TBC1D8: variants seen among roughly 807,000 people sequenced by gnomAD.
The protein encoded by TBC1D8 is TBC1 domain family member 8.
In TBC1D8, 65 loss-of-function variants were observed where a neutral mutation model predicts 118.8. The ratio of observed to expected loss-of-function variants is 0.55; its 90% confidence interval spans 0.45 to 0.67. The LOEUF (loss-of-function observed/expected upper bound fraction) is 0.67, where lower values mean the gene tolerates loss of function less well. Among genes scored for constraint, TBC1D8 ranks in the 30% least tolerant of loss-of-function variants. TBC1D8 has a pLI of 0.00. For synonymous variants in TBC1D8, 566 were observed against 595.8 expected, an observed-to-expected ratio of 0.95 and a Z score of 0.73; for missense variants, 1,376 against 1,471.2, an observed-to-expected ratio of 0.94 and a Z score of 1.06.
intron 1 of TBC1D8, among the ~76,000 whole-genome samples, chr2:101,146,123 CGCT>C (rs1679307335): frequency 6.6e-6 from 1 of 151,996 alleles, no homozygotes; most frequent in South Asian, 2.1e-4. Flanking sequence ...AAAATGGTAC[CGCT>C]GCTGTAGAAA....
At position 101,037,683 on chromosome 2, in the gene TBC1D8, C is replaced by A; in HGVS notation, c.1301G>T (p.Ser434Ile). Residue 434 changes from serine (S) to isoleucine (I), a missense_variant, in exon 8 of 20, where the codon AGC becomes ATC. Ser to Ile is a moderately radical substitution (Grantham distance 142). Transcript: ENST00000409318. Reference protein sequence around the residue: ...DMASLVFHSTSMCSDHRFGDL... With the variant: ...DMASLVFHSTIMCSDHRFGDL... ...CCCAAATCTGTGGTCACTGCACATG[C>A]TTGTTGAATGAAACACGAGTGAAGC... 6.2e-7 allele frequency: 1 copy of A among 1,613,696 alleles called. No homozygotes were observed. The highest frequency in any genetic ancestry group is 8.5e-7 in the Non-Finnish European group (1 of 1,179,894).
At chr2:101,087,364 C>T (rs1675706458) in intron 2 of TBC1D8, among the ~76,000 whole-genome samples, 1 of 152,034 alleles carries the variant, frequency 6.6e-6, no homozygotes, top group South Asian at 2.1e-4. Flanking sequence ...GGGCCGGATG[C>T]AGTGGCTCAC....
intron 1 of TBC1D8, among the ~76,000 whole-genome samples, chr2:101,144,876 T>G (rs544212039): frequency 1.0e-3 from 152 of 152,216 alleles, no homozygotes; most frequent in Middle Eastern, 6.8e-3. Context: ...AGGTGGAGGT[T>G]GCAGTGAGCC....
chr2:101,086,015 G>A (rs2105452179), intron 2 of TBC1D8, among the ~76,000 whole-genome samples: 1 of 152,106 alleles, frequency 6.6e-6, no homozygotes, highest in Non-Finnish European at 1.5e-5. Context: ...GGTGGCGGGT[G>A]CCTGTAGTCC....
intron 1 of TBC1D8, among the ~76,000 whole-genome samples, chr2:101,091,986 A>G (rs944698626): frequency 1.3e-5 from 2 of 152,234 alleles, no homozygotes; most frequent in Admixed American, 6.5e-5. Flanking sequence ...ATCCTCCTAT[A>G]TAACCACAGT....
intron 1 of TBC1D8, among the ~76,000 whole-genome samples, chr2:101,101,350 C>T (rs1360370986): frequency 6.6e-6 from 1 of 152,108 alleles, no homozygotes; most frequent in Admixed American, 6.5e-5. Flanking sequence ...CAATGAGATA[C>T]CATCTCACGC....
intron 1 of TBC1D8, among the ~76,000 whole-genome samples, chr2:101,100,601 T>G (rs1432982096): frequency 6.6e-6 from 1 of 152,024 alleles, no homozygotes; most frequent in African/African-American, 2.4e-5. Context: ...TACTAAAAAT[T>G]TATTTATTTT....
intron 5 of TBC1D8, among the ~76,000 whole-genome samples, chr2:101,049,746 A>G (rs1032686199): frequency 1.3e-5 from 2 of 152,134 alleles, no homozygotes; most frequent in African/African-American, 4.8e-5. Flanking sequence ...ATAAAAAAAG[A>G]AAAAGAAAAG....
chr2:101,072,366 G>C (rs1317783691), intron 2 of TBC1D8, among the ~76,000 whole-genome samples: 1 of 152,064 alleles, frequency 6.6e-6, no homozygotes, highest in African/African-American at 2.4e-5. Context: ...GCAGGAGAGA[G>C]AGAGAAGGAG....
At chr2:101,051,171 A>C (rs1682049322) in intron 4 of TBC1D8, among the ~76,000 whole-genome samples, 1 of 152,192 alleles carries the variant, frequency 6.6e-6, no homozygotes, top group South Asian at 2.1e-4. Context: ...ATGGGCATTT[A>C]GGTTGATTCC....
At chr2:101,022,600 AAATT>A (rs61082004) in intron 15 of TBC1D8, 79 bp from the exon 16 acceptor site, 27,939 of 1,507,922 alleles carry the variant, frequency 0.019, 951 homozygotes, top group East Asian at 0.14. Flanking sequence ...ATACAATAAT[AAATT>A]ACTCACAATC....
At chr2:101,049,602 C>G (rs897671829) in intron 5 of TBC1D8, among the ~76,000 whole-genome samples, 4 of 151,724 alleles carry the variant, frequency 2.6e-5, no homozygotes, top group African/African-American at 4.8e-5. Flanking sequence ...GTGGTGGGCA[C>G]CTGTAGTCTC....
intron 2 of TBC1D8, among the ~76,000 whole-genome samples, chr2:101,085,949 G>A (rs1279090375): frequency 6.6e-6 from 1 of 152,174 alleles, no homozygotes; most frequent in Non-Finnish European, 1.5e-5. Context: ...AGACCATCCT[G>A]GCTAACAGGG....
At chr2:101,141,085 G>A (rs1679078907) in intron 1 of TBC1D8, among the ~76,000 whole-genome samples, 1 of 151,884 alleles carries the variant, frequency 6.6e-6, no homozygotes, top group Non-Finnish European at 1.5e-5. Context: ...TTTAGTGTAG[G>A]CATTAGCTGT....
chr2:101,009,342 C>T (rs1573847030), intron 19 of TBC1D8, among the ~76,000 whole-genome samples: 1 of 149,942 alleles, frequency 6.7e-6, no homozygotes, highest in African/African-American at 2.5e-5. Flanking sequence ...GGAGGCGGAG[C>T]TTGCAGTGAG....
chr2:101,146,245 A>G (rs1028433243), intron 1 of TBC1D8, among the ~76,000 whole-genome samples: 2 of 152,210 alleles, frequency 1.3e-5, no homozygotes, highest in Non-Finnish European at 2.9e-5. Context: ...CTCTCAGTCC[A>G]GATTCTTAAT....
intron 2 of TBC1D8, among the ~76,000 whole-genome samples, chr2:101,080,259 C>T (rs1033747013): frequency 3.3e-5 from 5 of 152,170 alleles, no homozygotes; most frequent in African/African-American, 9.7e-5. Flanking sequence ...TAACAACTCG[C>T]ATCGCCTGAC....
chr2:101,050,472 C>T lies in TBC1D8; in HGVS notation c.801G>A (p.Leu267=), dbSNP rs1681997727. 1 of 1,613,938 alleles carries T rather than the reference C, an allele frequency of 6.2e-7. No homozygotes were observed. The highest frequency in any genetic ancestry group is 8.5e-7 in the Non-Finnish European group (1 of 1,179,840). ...KVMEQLADVT[L]RRLLDNEVFD... ...AGACCTCATTATCCAGCAGCCTTCGCAGCGTCACGTCGGCCAGCTGCTCCA... is the reference window on the plus strand; with the variant it reads ...AGACCTCATTATCCAGCAGCCTTCGTAGCGTCACGTCGGCCAGCTGCTCCA... Residue 267 remains leucine (L), a synonymous_variant, in exon 5 of 20, where the codon CTG becomes CTA. Transcript: ENST00000409318.
At chr2:101,079,451 C>T (rs1382464457) in intron 2 of TBC1D8, among the ~76,000 whole-genome samples, 4 of 152,128 alleles carry the variant, frequency 2.6e-5, no homozygotes, top group East Asian at 1.9e-4. Context: ...CATAGCTCAC[C>T]GCAGCCTTGA....
Sources: allele counts gnomAD v4.1 joint callset (sites outside exome capture counted in the v4.1 genomes callset), GRCh38; gene constraint gnomAD v4.1.1; transcripts MANE v1.5; gene names NCBI Gene and HGNC (gene_info 2026-07-23, HGNC 2026-07-21).